HEATR6: variants seen among roughly 807,000 people sequenced by gnomAD.
HEATR6 encodes HEAT repeat containing 6, also known as HEAT repeat-containing protein 6.
In HEATR6, 106 loss-of-function variants were observed where a neutral mutation model predicts 132.8. The ratio of observed to expected loss-of-function variants is 0.80; its 90% confidence interval spans 0.68 to 0.94. The LOEUF is 0.94. Among genes scored for constraint, HEATR6 ranks in the 40% least tolerant of loss-of-function variants. The probability of loss-of-function intolerance (pLI) is 0.00; values close to 1 mark genes in which losing one functional copy is unlikely to be tolerated. For synonymous variants in HEATR6, 529 were observed against 537.8 expected (o/e 0.98, Z 0.23); for missense variants, 1,339 against 1,425.1 (o/e 0.94, Z 0.97).
rs563512689 is a variant in HEATR6 at position 60,045,048 on chromosome 17, T to G, written c.2975-914A>C. On this transcript the variant is annotated intron_variant, in intron 19 of 19. Coordinates refer to ENST00000184956, the MANE Select transcript of HEATR6 (RefSeq NM_022070.5). ...TTCCCTCCAAGTCATGCAGGTAAACTTCTCTCTCTAGTAGGCTGAGGGCAA... is the reference window on the plus strand; with the variant it reads ...TTCCCTCCAAGTCATGCAGGTAAACGTCTCTCTCTAGTAGGCTGAGGGCAA... Among the ~76,000 whole-genome samples, 3 of 152,328 alleles carry G rather than the reference T, an allele frequency of 2.0e-5. No individual in the cohort carries two copies. In the East Asian group the frequency reaches 5.8e-4, roughly 29 times the overall value.
intron 1 of HEATR6, among the ~76,000 whole-genome samples, chr17:60,077,592 A>G (rs1351628442): frequency 6.6e-6 from 1 of 152,226 alleles, no homozygotes; most frequent in Non-Finnish European, 1.5e-5. Context: ...CTCCAGCTTC[A>G]TACTGATCTC....
intron 19 of HEATR6, among the ~76,000 whole-genome samples, chr17:60,044,484 T>A (rs1002670351): frequency 6.6e-6 from 1 of 152,186 alleles, no homozygotes; most frequent in Non-Finnish European, 1.5e-5. Context: ...TGGACTGAAC[T>A]GCAACCCCAC....
At position 60,078,869 on chromosome 17, in the gene HEATR6, G is replaced by T. The variant is rs1242367512; in HGVS notation, c.46C>A (p.Arg16=). Residue 16 remains arginine (R), a synonymous_variant, in exon 1 of 20, where the codon CGG becomes AGG. Transcript: ENST00000184956. The stretch of plus-strand genomic sequence containing the variant: ...GGGATTGCTTCCCGCGGTGCCTCCC[G>T]CGGCTGCACGGAAGGCCACGAACCG... ...VVGSWPSVQP[R]EAPREAIPER... The T allele has an allele frequency of 1.4e-6, 2 of 1,452,068 alleles. No homozygotes were observed. The allele number at this position is 1,452,068 out of a possible 1,614,324, so 89.9% of individuals were successfully genotyped here.
chr17:60,062,065 T>C lies in HEATR6; in HGVS notation c.1417-1969A>G, dbSNP rs2083215068. Among the ~76,000 whole-genome samples the C allele has an allele frequency of 2.0e-5, 3 of 152,384 alleles. No homozygotes were observed. In the East Asian group the frequency reaches 5.8e-4, roughly 29 times the overall value. On this transcript the variant is annotated intron_variant, in intron 9 of 19. Coordinates refer to ENST00000184956, the MANE Select transcript of HEATR6 (RefSeq NM_022070.5). ...TTTTTCCACTAAGTTACAAAATCTA[T>C]ATAGAAATTTGATACTATATCAAAT...
intron 15 of HEATR6, among the ~76,000 whole-genome samples, chr17:60,050,531 G>C (rs763400875): frequency 1.6e-4 from 25 of 152,144 alleles, no homozygotes; most frequent in Non-Finnish European, 2.9e-4. Flanking sequence ...AAGTCGAAGA[G>C]CTGGGCTTTA....
chr17:60,056,269 G>A (rs1906741362), intron 12 of HEATR6, 32 bp from the exon 13 acceptor site: 1 of 1,592,090 alleles, frequency 6.3e-7, no homozygotes, highest in East Asian at 2.3e-5. Context: ...AACCCTCTAA[G>A]ACCTGAGTGC....
At position 60,070,813 on chromosome 17, in the gene HEATR6, G is replaced by T. The variant is rs2083266401; in HGVS notation, c.700-6C>A. 1.4e-6 allele frequency: 2 copies of T among 1,474,164 alleles called. No individual in the cohort carries two copies. The highest frequency in any genetic ancestry group is 2.8e-5 in the African/African-American group (2 of 72,130). 91.3% of individuals were successfully genotyped at this position (1,474,164 alleles called of 1,614,324 possible). The stretch of plus-strand genomic sequence containing the variant: ...TTTAATGCATTTTGCAATAACTAGG[G>T]GGAAAAGGGAGACCCAGTTAGAAGG... On this transcript the variant is annotated splice_region_variant and splice_polypyrimidine_tract_variant and intron_variant, in intron 5 of 19. Transcript: ENST00000184956.
intron 1 of HEATR6, among the ~76,000 whole-genome samples, chr17:60,077,716 G>T (rs1025738001): frequency 6.6e-6 from 1 of 152,138 alleles, no homozygotes; most frequent in African/African-American, 2.4e-5. Flanking sequence ...CTAAAGAAAA[G>T]ATCATTCTGG....
chr17:60,059,157 A>C (rs1376819496), intron 11 of HEATR6, among the ~76,000 whole-genome samples: 2 of 152,128 alleles, frequency 1.3e-5, no homozygotes, highest in Non-Finnish European at 2.9e-5. Flanking sequence ...GCTCAATCTT[A>C]ATTCTAAAGG....
intron 19 of HEATR6, 53 bp downstream of exon 19, chr17:60,045,972 T>C (rs534577422): frequency 1.6e-6 from 2 of 1,254,210 alleles, no homozygotes; most frequent in East Asian, 4.7e-5. Flanking sequence ...CAACGTAGAT[T>C]GGTGTGTGTC....
rs140502617 is a variant in HEATR6, at chr17:60,044,214, T to C, written c.2975-80A>G. The C allele has an allele frequency of 1.1e-4, 108 of 1,013,894 alleles. No homozygotes were observed. In the African/African-American group the frequency reaches 1.6e-3, roughly 15 times the overall value. 62.8% of individuals were successfully genotyped at this position (1,013,894 alleles called of 1,614,324 possible). Reference sequence around the variant, plus strand: ...GAGAGGGAGAGGGGTGGAAGGAAGCTTAAACACTAGTGCTCAAGACACTCA... The same window carrying C: ...GAGAGGGAGAGGGGTGGAAGGAAGCCTAAACACTAGTGCTCAAGACACTCA... On this transcript the variant is annotated intron_variant, in intron 19 of 19. Coordinates refer to ENST00000184956, the MANE Select transcript of HEATR6 (RefSeq NM_022070.5).
At chr17:60,048,908 G>C (rs1463226464) in intron 16 of HEATR6, among the ~76,000 whole-genome samples, 1 of 145,796 alleles carries the variant, frequency 6.9e-6, no homozygotes, top group African/African-American at 2.6e-5. Flanking sequence ...ATTAATTTAA[G>C]CATTTATTGG....
chr17:60,078,829 CCA>C lies in HEATR6; in HGVS notation c.84_85del (p.Asn28LysfsTer16). The C allele has an allele frequency of 6.2e-7, 1 of 1,607,170 alleles. No individual in the cohort carries two copies. Among genetic ancestry groups the C allele is most frequent in the South Asian group, 1.1e-5 (1 of 89,488 alleles). On this transcript the variant is annotated frameshift_variant, in exon 1 of 20. Coordinates refer to ENST00000184956, the MANE Select transcript of HEATR6 (RefSeq NM_022070.5). LOFTEE classifies it high-confidence loss of function. Reference sequence around the variant, plus strand: ...GAGCCTGGCAGACAAGAGGCGAAACCCATTGCCTCGCTCAGGGATTGCTTCCC... The same window carrying C: ...GAGCCTGGCAGACAAGAGGCGAAACCTTGCCTCGCTCAGGGATTGCTTCCC...
In HEATR6 at chr17:60,059,518, G is replaced by A; in HGVS notation, c.1627C>T (p.Leu543Phe). The A allele has an allele frequency of 6.2e-7, 1 of 1,608,628 alleles. No individual in the cohort carries two copies. The highest frequency in any genetic ancestry group is 8.5e-7 in the Non-Finnish European group (1 of 1,176,852). The change falls in exon 11 of 20, where the codon CTT (leucine) becomes TTT (phenylalanine). Residue 543 changes from leucine (L) to phenylalanine (F), a missense_variant. Coordinates refer to ENST00000184956, the MANE Select transcript of HEATR6 (RefSeq NM_022070.5). ...GGTGCATTTGATACTAAATTTGCAAGGCACTGTAAAACACAAAAAGTAGCT... is the reference window on the plus strand; with the variant it reads ...GGTGCATTTGATACTAAATTTGCAAAGCACTGTAAAACACAAAAAGTAGCT... ...SQTVTQIIKC[L>F]ANLVSNAPYD...
intron 9 of HEATR6, chr17:60,063,441 T>C (rs2083222719): frequency 6.6e-6 from 1 of 152,214 alleles, no homozygotes; most frequent in African/African-American, 2.4e-5. Context: ...TTGTTATTTT[T>C]ATTGATAATT....
At chr17:60,073,039 T>C (rs543173180) in intron 4 of HEATR6, 125 bp downstream of exon 4, 66 of 584,102 alleles carry the variant, frequency 1.1e-4, no homozygotes, top group African/African-American at 7.8e-4. Flanking sequence ...GTAAAGTACA[T>C]GGGAAATGCA....
chr17:60,053,506 G>A (rs1906650164), intron 14 of HEATR6, among the ~76,000 whole-genome samples: 2 of 152,240 alleles, frequency 1.3e-5, no homozygotes, highest in South Asian at 4.1e-4. Context: ...GAGGCTGAAA[G>A]AGTTTGGAAG....
chr17:60,076,255 A>G lies in HEATR6; in HGVS notation c.220-18T>C, dbSNP rs766753516. ...CTAACGTCCTACCAAAAAAAAAAAG[A>G]TAAGAGGTAAAATACTTATTAGTCA... On this transcript the variant is annotated intron_variant, in intron 1 of 19. Coordinates refer to ENST00000184956, the MANE Select transcript of HEATR6 (RefSeq NM_022070.5). 2.2e-6 allele frequency: 3 copies of G among 1,364,178 alleles called. No homozygotes were observed. The highest frequency in any genetic ancestry group is 2.4e-5 in the South Asian group (2 of 83,726). 84.5% of individuals were successfully genotyped at this position (1,364,178 alleles called of 1,614,324 possible).
At chr17:60,072,716 G>A (rs7218114) in intron 4 of HEATR6, among the ~76,000 whole-genome samples, 15,426 of 152,228 alleles carry the variant, frequency 0.1, 1,049 homozygotes, top group African/African-American at 0.19. Context: ...ATGCAGAGAC[G>A]AGTTCACATT....
Sources: gnomAD v4.1 joint callset for allele counts (sites outside exome capture counted in the v4.1 genomes callset) on GRCh38, gnomAD v4.1.1 for gene constraint, MANE v1.5 for transcripts, NCBI Gene and HGNC (gene_info 2026-07-23, HGNC 2026-07-21) for gene names.